UBXN7: variants seen among roughly 807,000 people sequenced by gnomAD.
UBXN7 encodes the protein UBX domain-containing protein 7.
In UBXN7, 9 loss-of-function variants were observed where a neutral mutation model predicts 58.0. The observed-to-expected ratio is 0.16, with a 90% CI of 0.09 to 0.27. UBXN7 has a LOEUF of 0.27. Among genes scored for constraint, UBXN7 ranks in the 10% least tolerant of loss-of-function variants. UBXN7 has a pLI of 1.00. For synonymous variants in UBXN7, 208 were observed against 205.0 expected, an observed-to-expected ratio of 1.01 and a Z score of -0.12; for missense variants, 328 against 599.6, an observed-to-expected ratio of 0.55 and a Z score of 4.73.
intron 1 of UBXN7, among the ~76,000 whole-genome samples, chr3:196,417,907 C>T (rs908351305): frequency 1.2e-4 from 18 of 149,712 alleles, no homozygotes; most frequent in African/African-American, 4.4e-4. Flanking sequence ...GGTGACAGAG[C>T]AAAATCCTGT....
At chr3:196,364,895 T>C (rs1003976165) in intron 8 of UBXN7, among the ~76,000 whole-genome samples, 4 of 151,908 alleles carry the variant, frequency 2.6e-5, no homozygotes, top group Non-Finnish European at 4.4e-5. Context: ...TCAGGCGAAC[T>C]TACCACCCCT....
intron 3 of UBXN7, among the ~76,000 whole-genome samples, chr3:196,401,298 T>C (rs9879430): frequency 0.1 from 6,347 of 60,742 alleles, 459 homozygotes; most frequent in Middle Eastern, 0.15. Flanking sequence ...TATATATATA[T>C]ACACACACAC....
At chr3:196,391,952 A>G (rs1281665483) in intron 4 of UBXN7, 27 bp from the exon 5 acceptor site, 7 of 1,054,740 alleles carry the variant, frequency 6.6e-6, no homozygotes, top group Non-Finnish European at 9.5e-6. Flanking sequence ...TGAAAGTTTC[A>G]GTTAGCCATA....
intron 3 of UBXN7, among the ~76,000 whole-genome samples, chr3:196,402,039 TGA>T (rs1391890418): frequency 6.6e-6 from 1 of 152,118 alleles, no homozygotes; most frequent in African/African-American, 2.4e-5. Flanking sequence ...TTATTTATTT[TGA>T]GAGAGAGTCT....
At chr3:196,379,702 A>G (rs768137603) in intron 5 of UBXN7, among the ~76,000 whole-genome samples, 5 of 152,138 alleles carry the variant, frequency 3.3e-5, no homozygotes, top group Non-Finnish European at 7.4e-5. Flanking sequence ...CCTTCAGCCA[A>G]CTGGTGCTCA....
intron 1 of UBXN7, among the ~76,000 whole-genome samples, chr3:196,423,881 T>C (rs981432093): frequency 6.7e-6 from 1 of 148,572 alleles, no homozygotes; most frequent in Non-Finnish European, 1.5e-5. Flanking sequence ...TACAAAATAA[T>C]TTTTCACTTT....
chr3:196,362,003 A>C (rs1381041868), intron 9 of UBXN7, 80 bp from the exon 10 acceptor site: 10 of 1,342,078 alleles, frequency 7.5e-6, no homozygotes, highest in Admixed American at 2.0e-5. Flanking sequence ...AAATATGTAA[A>C]TAAATACAGC....
intron 1 of UBXN7, among the ~76,000 whole-genome samples, chr3:196,408,046 C>T (rs1174564839): frequency 2.1e-5 from 3 of 142,098 alleles, no homozygotes; most frequent in African/African-American, 2.6e-5. Context: ...TGCAATGAGC[C>T]GAAGTCACGC....
intron 1 of UBXN7, among the ~76,000 whole-genome samples, chr3:196,427,660 C>T (rs765579976): frequency 5.3e-5 from 8 of 152,186 alleles, no homozygotes; most frequent in Non-Finnish European, 1.2e-4. Context: ...ATAGATCCAG[C>T]TGCATATTTT....
intron 3 of UBXN7, 91 bp downstream of exon 3, chr3:196,402,861 G>A (rs755306014): frequency 1.8e-5 from 25 of 1,390,740 alleles, no homozygotes; most frequent in Non-Finnish European, 2.4e-5. Flanking sequence ...ACTTCTAACA[G>A]TCTCCTAGCA....
intron 2 of UBXN7, among the ~76,000 whole-genome samples, chr3:196,404,863 A>G (rs754418281): frequency 2.0e-5 from 3 of 152,176 alleles, no homozygotes; most frequent in African/African-American, 4.8e-5. Flanking sequence ...CATCAAAAGG[A>G]AATAGGCCAG....
chr3:196,379,985 C>A (rs1405930642), intron 5 of UBXN7, among the ~76,000 whole-genome samples: 5 of 152,154 alleles, frequency 3.3e-5, no homozygotes, highest in African/African-American at 1.2e-4. Context: ...ATGTGAAGGT[C>A]ATGCCTGTAA....
At position 196,401,767 on chromosome 3, in the gene UBXN7, TTA is replaced by T. The variant is rs1491280090; in HGVS notation, c.289+1183_289+1184del. Reference sequence around the variant, plus strand: ...AACATAGCAAGACTCCATCTCTATTTTAAAAAAAAAAAAAAAAAAAAAGTAAA... The same window carrying T: ...AACATAGCAAGACTCCATCTCTATTTAAAAAAAAAAAAAAAAAAAAGTAAA... On this transcript the variant is annotated intron_variant, in intron 3 of 10. Transcript: ENST00000296328. Among the ~76,000 whole-genome samples, 19 of 82,036 alleles carry T rather than the reference TTA, an allele frequency of 2.3e-4. 1 individual carries two copies. The highest frequency in any genetic ancestry group is 5.4e-4 in the African/African-American group (13 of 24,232). The allele number at this position is 82,036 out of a possible 152,430, so 53.8% of individuals were successfully genotyped here.
At chr3:196,380,532 A>G (rs1729174603) in intron 5 of UBXN7, among the ~76,000 whole-genome samples, 1 of 152,236 alleles carries the variant, frequency 6.6e-6, no homozygotes, top group African/African-American at 2.4e-5. Flanking sequence ...AAATAGGAGC[A>G]GCTGCAGTCT....
intron 8 of UBXN7, 98 bp downstream of exon 8, chr3:196,367,930 T>G: frequency 2.0e-6 from 3 of 1,491,188 alleles, no homozygotes; most frequent in Non-Finnish European, 2.7e-6. Context: ...TGTCCACTAG[T>G]TAGATTATCT....
chr3:196,377,043 C>G (rs1047448611), intron 5 of UBXN7, among the ~76,000 whole-genome samples: 1 of 138,288 alleles, frequency 7.2e-6, no homozygotes, highest in East Asian at 2.1e-4. Flanking sequence ...GAGACTCTGT[C>G]TCAAAAAAAA....
rs555727279 is a variant in UBXN7, at chr3:196,356,673, C to G, written c.*12G>C. ...AAAAAAGGGGTAAGCTGAGAGAGGT[C>G]AAGCCATGGTGTTAATTTCTTTCCT... On this transcript the variant is annotated 3_prime_UTR_variant, in exon 11 of 11. Transcript: ENST00000296328. 6.3e-7 allele frequency: 1 copy of G among 1,587,772 alleles called. No individual in the cohort carries two copies. The highest frequency in any genetic ancestry group is 2.0e-5 in the Admixed American group (1 of 51,006).
chr3:196,401,264 A>T (rs1300737609), intron 3 of UBXN7, among the ~76,000 whole-genome samples: 1 of 86,578 alleles, frequency 1.2e-5, no homozygotes, highest in African/African-American at 5.4e-5. Context: ...AAAAAAAAAA[A>T]AAAAAAAAAA....
At chr3:196,428,197 G>A (rs929009675) in intron 1 of UBXN7, among the ~76,000 whole-genome samples, 1 of 152,052 alleles carries the variant, frequency 6.6e-6, no homozygotes, top group African/African-American at 2.4e-5. Context: ...GCTTCTCAGT[G>A]TGGTTACTTC....
Sources: allele counts gnomAD v4.1 joint callset (sites outside exome capture counted in the v4.1 genomes callset), GRCh38; gene constraint gnomAD v4.1.1; transcripts MANE v1.5; gene names NCBI Gene and HGNC (gene_info 2026-07-23, HGNC 2026-07-21).